Variants in TACR3 observed in about 807,000 individuals in gnomAD.
The protein encoded by TACR3 is neuromedin-K receptor.
In TACR3, 34 loss-of-function variants were observed where a neutral mutation model predicts 35.0. The observed-to-expected ratio is 0.97, with a 90% CI of 0.74 to 1.30. The LOEUF is 1.30. Ranked by LOEUF, TACR3 falls within the 50% of genes most tolerant of loss-of-function variation. The pLI, the probability that TACR3 is intolerant of heterozygous loss-of-function variation, is 0.00. For synonymous variants in TACR3, 233 were observed against 221.1 expected (o/e 1.05, Z -0.48); for missense variants, 558 against 591.7 (o/e 0.94, Z 0.59).
intron 3 of TACR3, among the ~76,000 whole-genome samples, chr4:103,655,651 A>T (rs1276485735): frequency 6.6e-6 from 1 of 152,096 alleles, no homozygotes; most frequent in Non-Finnish European, 1.5e-5. Flanking sequence ...TATTAATACA[A>T]TCCTCATCCT....
chr4:103,685,937 G>A (rs376301066), intron 1 of TACR3, among the ~76,000 whole-genome samples: 1 of 152,108 alleles, frequency 6.6e-6, no homozygotes, highest in African/African-American at 2.4e-5. Flanking sequence ...CGTATTGGAG[G>A]GGGCTGACTT....
chr4:103,624,569 G>C (rs1724849819), intron 3 of TACR3: 1 of 152,068 alleles, frequency 6.6e-6, no homozygotes, highest in Non-Finnish European at 1.5e-5. Context: ...TAGCACTTTG[G>C]AATTTACAAC....
At chr4:103,683,453 G>C (rs114648677) in intron 1 of TACR3, among the ~76,000 whole-genome samples, 70 of 46,252 alleles carry the variant, frequency 1.5e-3, no homozygotes, top group South Asian at 0.014. Flanking sequence ...AATTGATAAC[G>C]CACTAGAAAG....
chr4:103,633,288 TAAAG>T (rs890265271), intron 3 of TACR3, among the ~76,000 whole-genome samples: 4 of 152,074 alleles, frequency 2.6e-5, no homozygotes, highest in Non-Finnish European at 5.9e-5. Context: ...ATTTACTAAA[TAAAG>T]AAATATTGAG....
intron 3 of TACR3, among the ~76,000 whole-genome samples, chr4:103,625,897 A>C (rs1048071740): frequency 6.6e-6 from 1 of 152,210 alleles, no homozygotes; most frequent in South Asian, 2.1e-4. Flanking sequence ...ATCCAAAAAT[A>C]ACTGTGCTTT....
intron 3 of TACR3, among the ~76,000 whole-genome samples, chr4:103,614,433 A>C (rs945291164): frequency 2.6e-5 from 4 of 152,158 alleles, no homozygotes; most frequent in Non-Finnish European, 5.9e-5. Context: ...GTGTTGAGGC[A>C]AAGGCTTTAA....
intron 1 of TACR3, among the ~76,000 whole-genome samples, chr4:103,665,753 G>A (rs1299032404): frequency 3.9e-5 from 6 of 152,130 alleles, no homozygotes; most frequent in Non-Finnish European, 7.4e-5. Context: ...GTGATGGCCT[G>A]TGTGCTCAGT....
At chr4:103,708,919 A>G (rs564639437) in intron 1 of TACR3, among the ~76,000 whole-genome samples, 29 of 152,356 alleles carry the variant, frequency 1.9e-4, no homozygotes, top group African/African-American at 7.0e-4. Flanking sequence ...ATTGAAGATC[A>G]AATTAATGAA....
intron 1 of TACR3, among the ~76,000 whole-genome samples, chr4:103,683,026 T>C (rs1244367776): frequency 1.3e-5 from 2 of 152,136 alleles, no homozygotes; most frequent in East Asian, 3.9e-4. Context: ...GTCCAGTCTT[T>C]ACTCAATGGG....
intron 3 of TACR3, among the ~76,000 whole-genome samples, chr4:103,604,956 A>C (rs1472137012): frequency 6.9e-6 from 1 of 145,168 alleles, no homozygotes; most frequent in Non-Finnish European, 1.5e-5. Context: ...CATTAGGTAT[A>C]TCTCCCAATG....
At chr4:103,711,425 C>A (rs1722956508) in intron 1 of TACR3, among the ~76,000 whole-genome samples, 1 of 152,142 alleles carries the variant, frequency 6.6e-6, no homozygotes. Context: ...AAGAAAAGGT[C>A]TTTGACGAAA....
chr4:103,702,403 A>G (rs1403807944), intron 1 of TACR3, among the ~76,000 whole-genome samples: 1 of 152,158 alleles, frequency 6.6e-6, no homozygotes, highest in Admixed American at 6.5e-5. Context: ...AGGAAACAAC[A>G]GGTGCTGGAG....
In TACR3 at chr4:103,669,784, T is replaced by G. The variant is rs79673121; in HGVS notation, c.549-11381A>C. ...TATTCTACAAATATTTCCTCCTATT[T>G]TTACCTTTGCTGTGCAGAAGATTTT... On this transcript the variant is annotated intron_variant, in intron 1 of 4. Transcript: ENST00000304883. Among the ~76,000 whole-genome samples, 731 of 152,152 alleles carry G rather than the reference T, an allele frequency of 4.8e-3. 7 individuals carry two copies. Among genetic ancestry groups the G allele is most frequent in the African/African-American group, 0.016 (681 of 41,564 alleles).
intron 3 of TACR3, among the ~76,000 whole-genome samples, chr4:103,597,194 T>C (rs193281093): frequency 6.2e-5 from 9 of 145,956 alleles, no homozygotes; most frequent in African/African-American, 1.8e-4. Context: ...TCCACAATGG[T>C]TGAACTAGTT....
chr4:103,614,427 T>A (rs1560807211), intron 3 of TACR3, among the ~76,000 whole-genome samples: 1 of 152,204 alleles, frequency 6.6e-6, no homozygotes, highest in South Asian at 2.1e-4. Context: ...CATTTAGTGT[T>A]GAGGCAAAGG....
intron 3 of TACR3, among the ~76,000 whole-genome samples, chr4:103,599,335 C>G (rs1361285931): frequency 6.6e-6 from 1 of 152,150 alleles, no homozygotes; most frequent in Non-Finnish European, 1.5e-5. Context: ...AGTTGCTTAT[C>G]AGCTTGAGGA....
chr4:103,615,751 A>C (rs1417746094), intron 3 of TACR3, among the ~76,000 whole-genome samples: 1 of 152,200 alleles, frequency 6.6e-6, no homozygotes, highest in Non-Finnish European at 1.5e-5. Flanking sequence ...AAACAGTAAA[A>C]AAGTACACAG....
intron 1 of TACR3, among the ~76,000 whole-genome samples, chr4:103,677,018 AAAT>A (rs757681064): frequency 6.6e-6 from 1 of 152,186 alleles, no homozygotes; most frequent in Non-Finnish European, 1.5e-5. Flanking sequence ...TACAAGAAAA[AAAT>A]AAGCAACCCC....
At chr4:103,618,769 T>G (rs1451305796) in intron 3 of TACR3, among the ~76,000 whole-genome samples, 1 of 152,102 alleles carries the variant, frequency 6.6e-6, no homozygotes, top group Admixed American at 6.6e-5. Context: ...CTCTGATTTC[T>G]TTCAGCAGTG....
Sources: gnomAD v4.1 joint callset for allele counts (sites outside exome capture counted in the v4.1 genomes callset) on GRCh38, gnomAD v4.1.1 for gene constraint, MANE v1.5 for transcripts, NCBI Gene and HGNC (gene_info 2026-07-23, HGNC 2026-07-21) for gene names.